The following RPS6KA2 variants were observed in gnomAD, a reference collection of about 807,000 sequenced individuals.
The protein encoded by RPS6KA2 is ribosomal protein S6 kinase alpha-2.
Under a neutral mutation model 91.8 loss-of-function variants are expected in RPS6KA2, and 42 were observed. The ratio of observed to expected loss-of-function variants is 0.46; its 90% CI spans 0.36 to 0.59. The LOEUF (loss-of-function observed/expected upper bound fraction) is 0.59. RPS6KA2 is among the 20% of genes least tolerant of loss of function. The probability of loss-of-function intolerance (pLI) is 0.00; values close to 1 mark genes in which losing one functional copy is unlikely to be tolerated. For synonymous variants in RPS6KA2, 414 were observed against 393.6 expected, an observed-to-expected ratio of 1.05 and a Z score of -0.61; for missense variants, 798 against 978.5, an observed-to-expected ratio of 0.82 and a Z score of 2.46.
chr6:166,550,724 T>C lies in RPS6KA2; in HGVS notation c.100-11940A>G, dbSNP rs550713483. ...ACTTGTTTTAAAGTGAAATTAGGGT[T>C]GGGCGCGATGGCTCACGCCTGTAAT... On this transcript the variant is annotated intron_variant, in intron 1 of 20. Coordinates refer to ENST00000265678, the MANE Select transcript of RPS6KA2 (RefSeq NM_021135.6). 2.6e-4 allele frequency among the ~76,000 whole-genome samples: 39 copies of C among 152,262 alleles called. 2 individuals are homozygous for C. Among genetic ancestry groups the C allele is most frequent in the East Asian group, 3.9e-4 (2 of 5,180 alleles).
intron 2 of RPS6KA2, among the ~76,000 whole-genome samples, chr6:166,673,464 G>T (rs1937026625): frequency 1.3e-5 from 2 of 152,176 alleles, no homozygotes; most frequent in Admixed American, 6.5e-5. Flanking sequence ...CGCTGTCCCT[G>T]GGGGGCTCCT....
intron 1 of RPS6KA2, among the ~76,000 whole-genome samples, chr6:166,546,312 G>A (rs948385042): frequency 6.6e-6 from 1 of 152,050 alleles, no homozygotes; most frequent in African/African-American, 2.4e-5. Context: ...GACCATTTCC[G>A]GTCTGGGCAG....
At chr6:166,640,666 G>A (rs1787401722) in intron 2 of RPS6KA2, among the ~76,000 whole-genome samples, 2 of 152,212 alleles carry the variant, frequency 1.3e-5, no homozygotes, top group South Asian at 4.1e-4. Context: ...TGGCTGGTCC[G>A]ATAGTAAGCA....
Position 166,423,196 on chromosome 6 carries a change from G to C in RPS6KA2, c.1743+60C>G. On this transcript the variant is annotated intron_variant, in intron 17 of 20. Transcript: ENST00000265678. The surrounding 1 kb of genome is among the most constrained non-coding windows in gnomAD (Gnocchi z 4.8). ...GCTGTCCGGTGGCTCTGCAGTGGGA[G>C]GGGGCAGAGCCTGTCTTTGCGGATA... 4 of 1,518,986 alleles carry C rather than the reference G, an allele frequency of 2.6e-6. No individual in the cohort carries two copies. The highest frequency in any genetic ancestry group is 3.6e-6 in the Non-Finnish European group (4 of 1,118,308). The allele number at this position is 1,518,986 out of a possible 1,614,324, so 94.1% of individuals were successfully genotyped here.
intron 1 of RPS6KA2, among the ~76,000 whole-genome samples, chr6:166,577,482 G>A (rs1045403506): frequency 7.9e-5 from 12 of 152,218 alleles, no homozygotes; most frequent in African/African-American, 2.4e-4. Context: ...AGCATGACCC[G>A]GAAGTGAGAT....
intron 1 of RPS6KA2, among the ~76,000 whole-genome samples, chr6:166,572,148 T>C (rs538890522): frequency 2.1e-3 from 316 of 152,316 alleles, no homozygotes; most frequent in Non-Finnish European, 3.7e-3. Context: ...TAGATATAAA[T>C]TCAAGAAAGA....
intron 2 of RPS6KA2, among the ~76,000 whole-genome samples, chr6:166,837,869 T>C (rs1306490539): frequency 1.3e-5 from 2 of 152,276 alleles, no homozygotes; most frequent in African/African-American, 2.4e-5. Context: ...GTTGGTTGTT[T>C]GCTTTTTACC....
chr6:166,757,433 G>A, intron 2 of RPS6KA2: 1 of 443,254 alleles, frequency 2.3e-6, no homozygotes, highest in African/African-American at 2.0e-5. Flanking sequence ...CTTGCCCCTG[G>A]CCGCCCAAGC....
intron 2 of RPS6KA2, among the ~76,000 whole-genome samples, chr6:166,718,726 A>C (rs1307111556): frequency 6.6e-6 from 1 of 152,226 alleles, no homozygotes; most frequent in Non-Finnish European, 1.5e-5. Flanking sequence ...GCTGCCCCGC[A>C]CATGTGCACA....
rs1784205582 is a variant in RPS6KA2, at chr6:166,557,307, G to A, written c.100-18523C>T. Among the ~76,000 whole-genome samples the A allele has an allele frequency of 6.6e-6, 1 of 152,222 alleles. No individual in the cohort carries two copies. Among genetic ancestry groups the A allele is most frequent in the African/African-American group, 2.4e-5 (1 of 41,456 alleles). ...GCATGCTTCCCAAGAACAGCCCGCA[G>A]GGAAGACGCCCAAAACCTAAATCGA... On this transcript the variant is annotated intron_variant, in intron 1 of 20. Coordinates refer to ENST00000265678, the MANE Select transcript of RPS6KA2 (RefSeq NM_021135.6). The surrounding 1 kb of genome is among the most constrained non-coding windows in gnomAD (Gnocchi z 4.8).
At chr6:166,855,820 T>C (rs921736088) in intron 2 of RPS6KA2, among the ~76,000 whole-genome samples, 5 of 152,210 alleles carry the variant, frequency 3.3e-5, no homozygotes, top group Admixed American at 6.5e-5. Context: ...ATATCAAGAT[T>C]ATAGTTCTGC....
chr6:166,604,184 C>T (rs1332648731), intron 1 of RPS6KA2, among the ~76,000 whole-genome samples: 1 of 152,178 alleles, frequency 6.6e-6, no homozygotes, highest in Non-Finnish European at 1.5e-5. Context: ...CTGTGGACAG[C>T]TCTGCATGGA....
In RPS6KA2 at chr6:166,480,475, GATTTTATATATATAT is replaced by G. The variant is rs1375791967; in HGVS notation, c.907+8343_907+8357del. ...AGAATCTTATATTCCTTAAGATTGT[GATTTTATATATATAT>G]ATATATATATATATATATATATATA... On this transcript the variant is annotated intron_variant, in intron 10 of 20. Transcript: ENST00000265678. Among the ~76,000 whole-genome samples, 92 of 60,998 alleles carry G rather than the reference GATTTTATATATATAT, an allele frequency of 1.5e-3. 1 individual carries two copies. Among genetic ancestry groups the G allele is most frequent in the Middle Eastern group, 0.011 (2 of 178 alleles). The allele number at this position is 60,998 out of a possible 152,430, so 40.0% of individuals were successfully genotyped here.
intron 2 of RPS6KA2, among the ~76,000 whole-genome samples, chr6:166,753,926 G>A (rs1303322905): frequency 6.6e-6 from 1 of 152,174 alleles, no homozygotes; most frequent in African/African-American, 2.4e-5. Flanking sequence ...CCCAACACAA[G>A]CATGATGAGG....
Position 166,510,301 on chromosome 6 carries a change from G to A in RPS6KA2, c.355C>T (p.Pro119Ser), listed in dbSNP as rs763254036. The part of the protein sequence containing the change: ...ERDILAEVNH[P>S]FIVKLHYAFQ... Reference sequence around the variant, plus strand: ...CCATAATGAAGCTTCACAATGAAGGGGTGATTCACTTCTGCCAAGATGTCT... The same window carrying A: ...CCATAATGAAGCTTCACAATGAAGGAGTGATTCACTTCTGCCAAGATGTCT... Residue 119 changes from proline to serine, a missense_variant, in exon 4 of 21, where the codon CCC (proline) becomes TCC (serine). Pro to Ser is a moderately conservative substitution (Grantham distance 74, BLOSUM62 -1). Transcript: ENST00000265678. The A allele has an allele frequency of 1.2e-6, 2 of 1,602,964 alleles. No individual in the cohort carries two copies. Among genetic ancestry groups the A allele is most frequent in the Admixed American group, 1.7e-5 (1 of 59,218 alleles).
chr6:166,670,968 G>A (rs569298552), intron 2 of RPS6KA2, among the ~76,000 whole-genome samples: 5 of 152,198 alleles, frequency 3.3e-5, no homozygotes, highest in East Asian at 1.9e-4. Flanking sequence ...TTACAGCCTC[G>A]TGCCACCACG....
In RPS6KA2 at chr6:166,459,473, C is replaced by CGG. The variant is rs1351141068; in HGVS notation, c.1049_1050dup (p.Glu351ProfsTer34). The CGG allele has an allele frequency of 6.2e-7, 1 of 1,614,040 alleles. No homozygotes were observed. The highest frequency in any genetic ancestry group is 8.5e-7 in the Non-Finnish European group (1 of 1,179,938). On this transcript the variant is annotated frameshift_variant, in exon 12 of 21. Coordinates refer to ENST00000265678, the MANE Select transcript of RPS6KA2 (RefSeq NM_021135.6). LOFTEE classifies it high-confidence loss of function. This position sits in a 1 kb window ranked among gnomAD's most constrained non-coding sequence, Gnocchi z 4.9. Reference sequence around the variant, plus strand: ...CCTGTGGGCGTCCGCGCTGTGAACTCGGGGTCAAAGTGGAAGGTGTCCTCA... The same window carrying CGG: ...CCTGTGGGCGTCCGCGCTGTGAACTCGGGGGGTCAAAGTGGAAGGTGTCCTCA...
chr6:166,474,431 G>A (rs981099817), intron 10 of RPS6KA2, among the ~76,000 whole-genome samples: 2 of 152,170 alleles, frequency 1.3e-5, no homozygotes, highest in African/African-American at 4.8e-5. Flanking sequence ...TCAGCACATC[G>A]AATTCCTTTC....
Position 166,849,471 on chromosome 6 carries a change from A to G in RPS6KA2, c.123+8729T>C, listed in dbSNP as rs1222254343. Among the ~76,000 whole-genome samples the G allele has an allele frequency of 6.6e-6, 1 of 152,126 alleles. No individual in the cohort carries two copies. The highest frequency in any genetic ancestry group is 6.5e-5 in the Admixed American group (1 of 15,272). ...GCCAGACACACAGTTATCACTCCCC[A>G]GACTTTGCCCGAAGAATAAAAGAAG... On this transcript the variant is annotated intron_variant, in intron 2 of 21. Coordinates refer to the RPS6KA2 transcript ENST00000503859. This position sits in a 1 kb window ranked among gnomAD's most constrained non-coding sequence, Gnocchi z 4.9.
Sources: gnomAD v4.1 joint callset for allele counts (sites outside exome capture counted in the v4.1 genomes callset) on GRCh38, gnomAD v4.1.1 for gene constraint, Gnocchi (gnomAD v3.1) non-coding constraint, MANE v1.5 for transcripts, NCBI Gene and HGNC (gene_info 2026-07-23, HGNC 2026-07-21) for gene names.